The following SGSM2 variants were observed in gnomAD, a reference collection of about 807,000 sequenced individuals.
SGSM2 encodes RUN and TBC1 domain containing 1.
A neutral mutation model predicts 126.6 loss-of-function variants in SGSM2; 89 were observed. The observed-to-expected ratio is 0.70, with a 90% CI of 0.59 to 0.84. SGSM2 has a LOEUF of 0.84. SGSM2 is among the 40% of genes least tolerant of loss of function. The pLI, the probability that SGSM2 is intolerant of heterozygous loss-of-function variation, is 0.00. For synonymous variants in SGSM2, 614 were observed against 574.3 expected (o/e 1.07, Z -0.99); for missense variants, 1,404 against 1,416.6 (o/e 0.99, Z 0.14).
At chr17:2,361,970 C>G in intron 3 of SGSM2, 139 bp from the exon 4 acceptor site, 1 of 1,317,636 alleles carries the variant, frequency 7.6e-7, no homozygotes, top group Non-Finnish European at 1.0e-6. Context: ...GCACAAGGCT[C>G]TGTACCCCTC....
chr17:2,346,579 T>G (rs2064606190), intron 2 of SGSM2, among the ~76,000 whole-genome samples: 3 of 152,146 alleles, frequency 2.0e-5, no homozygotes, highest in Non-Finnish European at 4.4e-5. Flanking sequence ...TTGCTGTGGT[T>G]GTTCCTAAAC....
Position 2,367,605 on chromosome 17 carries a change from G to A in SGSM2, c.1423+200G>A, listed in dbSNP as rs1382161229. Among the ~76,000 whole-genome samples the A allele has an allele frequency of 1.3e-5, 2 of 152,236 alleles. No individual in the cohort carries two copies. The highest frequency in any genetic ancestry group is 2.9e-5 in the Non-Finnish European group (2 of 68,044). ...TGGCAAGAAAAGGGGCTGGCCCAGG[G>A]CAGGTGGCTCCAGGCTGTGAGGAGG... is the stretch of plus-strand genomic sequence containing the variant. On this transcript the variant is annotated intron_variant, in intron 12 of 23. Coordinates refer to ENST00000268989, the MANE Select transcript of SGSM2 (RefSeq NM_014853.3). The surrounding 1 kb of genome is among the most constrained non-coding windows in gnomAD (Gnocchi z 4.0).
intron 19 of SGSM2, 90 bp downstream of exon 19, chr17:2,376,351 C>A: frequency 6.5e-7 from 1 of 1,536,928 alleles, no homozygotes; most frequent in East Asian, 2.3e-5. Flanking sequence ...CCCTGCTCCT[C>A]TCTCCTGCTC....
chr17:2,357,510 T>C (rs1316472749), intron 2 of SGSM2, among the ~76,000 whole-genome samples: 1 of 152,204 alleles, frequency 6.6e-6, no homozygotes, highest in African/African-American at 2.4e-5. Context: ...TATTTTATTT[T>C]CTTGAGATGG....
intron 2 of SGSM2, among the ~76,000 whole-genome samples, chr17:2,359,705 G>A (rs2065233492): frequency 6.6e-6 from 1 of 152,130 alleles, no homozygotes; most frequent in Non-Finnish European, 1.5e-5. Flanking sequence ...CAGTCCCCAC[G>A]GCCTGGCTGC....
chr17:2,343,533 A>C lies in SGSM2; in HGVS notation c.58-12A>C, dbSNP rs541879509. The stretch of plus-strand genomic sequence containing the variant: ...AATAATAAAAGCAGTGATGCTGTCC[A>C]TGTGTCCGCAGGTGAAGCAAATCAT... On this transcript the variant is annotated splice_polypyrimidine_tract_variant and intron_variant, in intron 1 of 23. Transcript: ENST00000268989. 1 of 1,613,898 alleles carries C rather than the reference A, an allele frequency of 6.2e-7. No homozygotes were observed. The highest frequency in any genetic ancestry group is 1.1e-5 in the South Asian group (1 of 91,076).
rs1173111939 is a variant in SGSM2, at chr17:2,363,621, A to G, written c.807+22A>G. The G allele has an allele frequency of 2.5e-6, 4 of 1,610,574 alleles. No individual in the cohort carries two copies. The highest frequency in any genetic ancestry group is 3.4e-6 in the Non-Finnish European group (4 of 1,177,826). ...GCCGGTAGGAAAGCTTCATCCTGCC[A>G]TCCCTCCCCGAAGGTCCCCGAACGA... On this transcript the variant is annotated intron_variant, in intron 7 of 23. Transcript: ENST00000268989. This position sits in a 1 kb window ranked among gnomAD's most constrained non-coding sequence, Gnocchi z 4.2.
At chr17:2,353,759 C>CTTT (rs1177201469) in intron 2 of SGSM2, among the ~76,000 whole-genome samples, 2 of 124,738 alleles carry the variant, frequency 1.6e-5, no homozygotes, top group Non-Finnish European at 3.5e-5. Flanking sequence ...GACTGAGACT[C>CTTT]TGTCTTTAAA....
Position 2,372,240 on chromosome 17 carries a change from G to C in SGSM2, c.1628G>C (p.Arg543Pro), listed in dbSNP as rs1292944986. The change falls in exon 14 of 24, where the codon CGG (arginine) becomes CCG (proline). Residue 543 changes from arginine to proline, a missense_variant. Arg to Pro is a moderately radical substitution (Grantham distance 103). Transcript: ENST00000268989. This position sits in a 1 kb window ranked among gnomAD's most constrained non-coding sequence, Gnocchi z 6.0. ...AGTATGAAGAGGCAGATCGTGTCCCGGGCCTTCTACGGCTGTGAGTGTGGG... is the reference window on the plus strand; with the variant it reads ...AGTATGAAGAGGCAGATCGTGTCCCCGGCCTTCTACGGCTGTGAGTGTGGG... ...CESMKRQIVS[R>P]AFYGWLAHCR... The C allele has an allele frequency of 6.2e-7, 1 of 1,613,122 alleles. No homozygotes were observed. Among genetic ancestry groups the C allele is most frequent in the Admixed American group, 1.7e-5 (1 of 60,014 alleles).
rs150367779 is a variant in SGSM2 at position 2,372,594 on chromosome 17, C to T, written c.1788+106C>T. On this transcript the variant is annotated intron_variant, in intron 15 of 23. Transcript: ENST00000268989. This position sits in a 1 kb window ranked among gnomAD's most constrained non-coding sequence, Gnocchi z 6.0. ...GTGGGTGCGGTTGACAGGCCAGGGC[C>T]GATGCCACGGAGTGACCAGGGTCCC... The T allele has an allele frequency of 1.4e-4, 204 of 1,444,746 alleles. No homozygotes were observed. The African/African-American group carries it at 2.2e-3, about 15-fold the overall frequency. 89.5% of individuals were successfully genotyped at this position (1,444,746 alleles called of 1,614,324 possible). A position where few individuals can be genotyped will look rare whatever the true frequency, so the allele number is the denominator to read the frequency against.
At chr17:2,342,171 C>T (rs1052367181) in intron 1 of SGSM2, among the ~76,000 whole-genome samples, 2 of 151,462 alleles carry the variant, frequency 1.3e-5, no homozygotes, top group African/African-American at 2.4e-5. Context: ...AATCCCAGCA[C>T]TTTGGGAGGC....
intron 1 of SGSM2, among the ~76,000 whole-genome samples, chr17:2,341,479 G>T (rs1259961774): frequency 6.6e-6 from 1 of 152,194 alleles, no homozygotes; most frequent in Non-Finnish European, 1.5e-5. Flanking sequence ...GCAGGGAGGG[G>T]CCTCCAGGTC....
At chr17:2,338,774 A>AAT (rs148031213) in intron 1 of SGSM2, among the ~76,000 whole-genome samples, 26 of 133,934 alleles carry the variant, frequency 1.9e-4, no homozygotes, top group Admixed American at 3.0e-4. Flanking sequence ...CCGTCTCCCT[A>AAT]ATATATATAT....
chr17:2,340,805 CG>C (rs1239776804), intron 1 of SGSM2, among the ~76,000 whole-genome samples: 3 of 152,048 alleles, frequency 2.0e-5, no homozygotes, highest in Non-Finnish European at 4.4e-5. Context: ...AGGATGGTCT[CG>C]ATCTCCTGAC....
chr17:2,378,633 T>C (rs937520771), intron 22 of SGSM2, among the ~76,000 whole-genome samples: 1 of 152,122 alleles, frequency 6.6e-6, no homozygotes, highest in Non-Finnish European at 1.5e-5. Context: ...CTCTCATAGA[T>C]CATAGTTTGG....
chr17:2,347,391 A>G (rs1280602646), intron 2 of SGSM2, among the ~76,000 whole-genome samples: 2 of 149,634 alleles, frequency 1.3e-5, no homozygotes, highest in African/African-American at 2.4e-5. Flanking sequence ...ACAGGTGTGA[A>G]CCATCACACC....
At chr17:2,373,690 A>G (rs550566838) in intron 17 of SGSM2, 177 bp downstream of exon 17, 1 of 606,212 alleles carries the variant, frequency 1.6e-6, no homozygotes, top group Non-Finnish European at 2.9e-6. Flanking sequence ...TCTGCTGCCT[A>G]CTTCTCTGGG....
intron 1 of SGSM2, among the ~76,000 whole-genome samples, chr17:2,340,875 C>T (rs931008537): frequency 1.1e-4 from 17 of 152,226 alleles, no homozygotes; most frequent in East Asian, 5.8e-4. Context: ...TGAGCCACCA[C>T]GCCTGGCCCA....
At chr17:2,375,122 A>G (rs1159463564) in intron 17 of SGSM2, 2 of 190,818 alleles carry the variant, frequency 1.0e-5, no homozygotes, top group Non-Finnish European at 2.1e-5. Flanking sequence ...AGCCACACCA[A>G]AACACTAAGG....
Sources: gnomAD v4.1 joint callset for allele counts (sites outside exome capture counted in the v4.1 genomes callset) on GRCh38, gnomAD v4.1.1 for gene constraint, Gnocchi (gnomAD v3.1) non-coding constraint, MANE v1.5 for transcripts, NCBI Gene and HGNC (gene_info 2026-07-23, HGNC 2026-07-21) for gene names.